Variants in RFC1 observed in about 807,000 individuals in gnomAD.
The protein encoded by RFC1 is replication factor C subunit 1.
Under a neutral mutation model 137.4 loss-of-function variants are expected in RFC1, and 37 were observed. The observed-to-expected ratio is 0.27, with a 90% confidence interval of 0.21 to 0.35. The LOEUF (loss-of-function observed/expected upper bound fraction) is 0.35. RFC1 is among the 10% of genes least tolerant of loss of function. The pLI, the probability that RFC1 is intolerant of heterozygous loss-of-function variation, is 1.00. For synonymous variants in RFC1, 429 were observed against 455.7 expected, an observed-to-expected ratio of 0.94 and a Z score of 0.75; for missense variants, 1,205 against 1,358.5, an observed-to-expected ratio of 0.89 and a Z score of 1.78.
chr4:39,351,737 G>A (rs560850460), intron 1 of RFC1, among the ~76,000 whole-genome samples: 72 of 152,206 alleles, frequency 4.7e-4, no homozygotes, highest in African/African-American at 1.5e-3. Flanking sequence ...CGAGGTGGGT[G>A]GATCACTTGA....
chr4:39,292,734 C>T (rs1222911522), intron 22 of RFC1, among the ~76,000 whole-genome samples: 5 of 151,656 alleles, frequency 3.3e-5, no homozygotes, highest in African/African-American at 7.3e-5. Flanking sequence ...CTCCACCTCC[C>T]GGGTTCAGGA....
At chr4:39,295,149 G>A (rs1737915841) in intron 22 of RFC1, among the ~76,000 whole-genome samples, 1 of 152,188 alleles carries the variant, frequency 6.6e-6, no homozygotes, top group Admixed American at 6.5e-5. Context: ...TCAATGATCT[G>A]AGCAGCCTCC....
intron 23 of RFC1, 42 bp from the exon 24 acceptor site, chr4:39,290,081 C>T: frequency 2.8e-6 from 4 of 1,433,348 alleles, no homozygotes; most frequent in Non-Finnish European, 3.9e-6. Flanking sequence ...AATCTAAGTC[C>T]CAAACAATTC....
intron 4 of RFC1, among the ~76,000 whole-genome samples, chr4:39,332,320 T>C: frequency 6.6e-6 from 1 of 152,234 alleles, no homozygotes; most frequent in East Asian, 1.9e-4. Flanking sequence ...CACTCTTCTT[T>C]GCTTACTTCT....
Position 39,300,304 on chromosome 4 carries a change from G to T in RFC1, c.2646C>A (p.Leu882=), listed in dbSNP as rs141440382. ...LFFHDYSIAP[L]FVQENYIHVK... ...CGTGTATGTAATTTTCCTGGACGAA[G>T]AGGGGTGCTATTGAATAATCATGAA... Residue 882 remains leucine, a synonymous_variant, in exon 20 of 25, where the codon CTC becomes CTA. Transcript: ENST00000349703. 6.2e-7 allele frequency: 1 copy of T among 1,614,022 alleles called. No individual in the cohort carries two copies. Among genetic ancestry groups the T allele is most frequent in the African/African-American group, 1.3e-5 (1 of 74,908 alleles).
chr4:39,346,582 T>A (rs916002144), intron 2 of RFC1, among the ~76,000 whole-genome samples: 2 of 152,054 alleles, frequency 1.3e-5, no homozygotes, highest in Non-Finnish European at 1.5e-5. Context: ...TCAGAAAGCA[T>A]CAAGAAGGCA....
At chr4:39,351,595 C>T (rs779266585) in intron 1 of RFC1, 119 bp from the exon 2 acceptor site, 15 of 774,302 alleles carry the variant, frequency 1.9e-5, no homozygotes, top group Admixed American at 4.1e-5. Flanking sequence ...TTTTTCCATA[C>T]CAAGATAGTT....
rs1739448244 is a variant in RFC1, at chr4:39,320,332, A to T, written c.1095+51T>A. On this transcript the variant is annotated intron_variant, in intron 9 of 24. Transcript: ENST00000349703. ...CCACTGCACTCCAACCTCAGCAACA[A>T]GAGCAAAACTCCATCTCAAAAAAAA... 2.1e-5 allele frequency: 30 copies of T among 1,433,200 alleles called. 1 individual carries two copies. The highest frequency in any genetic ancestry group is 2.7e-5 in the Non-Finnish European group (30 of 1,094,392). 88.8% of individuals were successfully genotyped at this position (1,433,200 alleles called of 1,614,324 possible).
rs760228988 is a variant in RFC1 at position 39,351,381 on chromosome 4, A to G, written c.99T>C (p.Thr33=). 6.4e-6 allele frequency: 10 copies of G among 1,564,622 alleles called. No homozygotes were observed. The highest frequency in any genetic ancestry group is 1.2e-5 in the South Asian group (1 of 82,618). ...CCTTTATTCCTTTCTTTGCTTTTAA[A>G]GTTTCTTCATCAGACTTTGTTTTCT... ...KNEKTKSDEE[T]LKAKKGIKEI... is the part of the protein sequence containing the mutation. Residue 33 remains threonine, a synonymous_variant, in exon 2 of 25, where the codon ACT becomes ACC. Transcript: ENST00000349703.
chr4:39,348,023 G>C (rs1260748198), intron 2 of RFC1, among the ~76,000 whole-genome samples: 2 of 152,120 alleles, frequency 1.3e-5, no homozygotes, highest in Non-Finnish European at 2.9e-5. Flanking sequence ...ACTGCTTGTA[G>C]TCAAATGCAA....
At position 39,288,484 on chromosome 4, in the gene RFC1, T is replaced by C; in HGVS notation, c.*277A>G. On this transcript the variant is annotated 3_prime_UTR_variant, in exon 25 of 25. Coordinates refer to ENST00000349703, the MANE Select transcript of RFC1 (RefSeq NM_002913.5). ...TCTGACTCCAAAGCCCAGGTGTAGT[T>C]TCTAGTTCCAATTCTACAGTCATTC... The C allele has an allele frequency of 3.6e-6, 1 of 274,776 alleles. No individual in the cohort carries two copies. The highest frequency in any genetic ancestry group is 6.7e-6 in the Non-Finnish European group (1 of 148,316). 17.0% of individuals were successfully genotyped at this position (274,776 alleles called of 1,614,324 possible). A position where few individuals can be genotyped will look rare whatever the true frequency, so the allele number is the denominator to read the frequency against.
chr4:39,361,320 C>T (rs1036331186), intron 1 of RFC1, among the ~76,000 whole-genome samples: 11 of 151,966 alleles, frequency 7.2e-5, no homozygotes, highest in Admixed American at 2.0e-4. Context: ...ACTTGGGAGG[C>T]GGAGGTTGCA....
rs144327973 is a variant in RFC1, at chr4:39,288,698, C to T, written c.*63G>A. ...GCTCTGGGAAAAAACAAGGCTTTCT[C>T]TAGACCAGCTGGACTGGTCAGGAGG... On this transcript the variant is annotated 3_prime_UTR_variant, in exon 25 of 25. Coordinates refer to ENST00000349703, the MANE Select transcript of RFC1 (RefSeq NM_002913.5). 447 of 1,053,178 alleles carry T rather than the reference C, an allele frequency of 4.2e-4. 2 individuals carry two copies. The African/African-American group carries it at 6.3e-3, about 15-fold the overall frequency. 65.2% of individuals were successfully genotyped at this position (1,053,178 alleles called of 1,614,324 possible).
In RFC1 at chr4:39,316,988, G is replaced by C; in HGVS notation, c.1130C>G (p.Thr377Ser). 6.2e-7 allele frequency: 1 copy of C among 1,613,988 alleles called. No individual in the cohort carries two copies. Among genetic ancestry groups the C allele is most frequent in the Non-Finnish European group, 8.5e-7 (1 of 1,179,880 alleles). Residue 377 changes from threonine (T) to serine (S), a missense_variant, in exon 10 of 25, where the codon ACT (threonine) becomes AGT (serine). Coordinates refer to ENST00000349703, the MANE Select transcript of RFC1 (RefSeq NM_002913.5). Reference sequence around the variant, plus strand: ...GTAGCTTCGATAAGCTTGATAATTAGTGCGTTTCTTTTCAGAATCTTCAGG... The same window carrying C: ...GTAGCTTCGATAAGCTTGATAATTACTGCGTTTCTTTTCAGAATCTTCAGG... Reference protein sequence around the residue: ...VSPEDSEKKRTNYQAYRSYLN... With the variant: ...VSPEDSEKKRSNYQAYRSYLN...
At chr4:39,321,023 C>T (rs1739493368) in intron 8 of RFC1, among the ~76,000 whole-genome samples, 1 of 152,196 alleles carries the variant, frequency 6.6e-6, no homozygotes, top group African/African-American at 2.4e-5. Flanking sequence ...TTGAAATCCA[C>T]ATATTGCACT....
At chr4:39,344,690 C>T (rs182797681) in intron 3 of RFC1, among the ~76,000 whole-genome samples, 6 of 152,274 alleles carry the variant, frequency 3.9e-5, no homozygotes, top group Non-Finnish European at 7.3e-5. Flanking sequence ...GTGGCCAAAG[C>T]GCAAGAATCG....
rs374205342 is a variant in RFC1, at chr4:39,358,230, G to A, written c.4-6754C>T. On this transcript the variant is annotated intron_variant, in intron 1 of 24. Coordinates refer to ENST00000349703, the MANE Select transcript of RFC1 (RefSeq NM_002913.5). ...GCAGAGGTTGCAGTGAGCTGAGATC[G>A]CACCATTGCACTCCAGCCTGGCCAA... Among the ~76,000 whole-genome samples, 412 of 152,124 alleles carry A rather than the reference G, an allele frequency of 2.7e-3. 2 individuals carry two copies. Among genetic ancestry groups the A allele is most frequent in the African/African-American group, 8.9e-3 (368 of 41,500 alleles).
chr4:39,360,773 C>G lies in RFC1; in HGVS notation c.3+5466G>C, dbSNP rs1741719310. On this transcript the variant is annotated intron_variant, in intron 1 of 24. Coordinates refer to ENST00000349703, the MANE Select transcript of RFC1 (RefSeq NM_002913.5). ...AGAAAGCAAATTATGTCACTGTGTTCATTTTATCTTTGAAGAGTACACAGT... is the reference window on the plus strand; with the variant it reads ...AGAAAGCAAATTATGTCACTGTGTTGATTTTATCTTTGAAGAGTACACAGT... Among the ~76,000 whole-genome samples the G allele has an allele frequency of 2.0e-5, 3 of 152,160 alleles. No homozygotes were observed. In the South Asian group the frequency reaches 6.2e-4, roughly 32 times the overall value.
chr4:39,348,011 T>A (rs1011673240), intron 2 of RFC1, among the ~76,000 whole-genome samples: 11 of 152,214 alleles, frequency 7.2e-5, no homozygotes, highest in Non-Finnish European at 1.3e-4. Flanking sequence ...TGAGTCCTCC[T>A]GACTGCTTGT....
Sources: gnomAD v4.1 joint callset for allele counts (sites outside exome capture counted in the v4.1 genomes callset) on GRCh38, gnomAD v4.1.1 for gene constraint, MANE v1.5 for transcripts, NCBI Gene and HGNC (gene_info 2026-07-23, HGNC 2026-07-21) for gene names.